Variants in FAT3 observed in about 807,000 individuals in gnomAD.
FAT3 encodes the protein FAT atypical cadherin 3.
Under a neutral mutation model 310.2 loss-of-function variants are expected in FAT3, and 95 were observed. The ratio of observed to expected loss-of-function variants is 0.31; its 90% CI spans 0.26 to 0.36. FAT3 has a LOEUF of 0.36. Ranked by LOEUF, FAT3 falls within the 10% of genes least tolerant of loss-of-function variation. The probability of loss-of-function intolerance (pLI) is 1.00; values close to 1 mark genes in which losing one functional copy is unlikely to be tolerated. For missense variants in FAT3, 5,408 were observed against 5,715.6 expected (o/e 0.95, Z 1.74); for synonymous variants, 2,314 against 2,192.9 (o/e 1.06, Z -1.54).
In FAT3 at chr11:92,883,240, G is replaced by A. The variant is rs1949717083; in HGVS notation, c.12784G>A (p.Glu4262Lys). 6.2e-7 allele frequency: 1 copy of A among 1,613,020 alleles called. No homozygotes were observed. Among genetic ancestry groups the A allele is most frequent in the Non-Finnish European group, 8.5e-7 (1 of 1,179,850 alleles). The change falls in exon 24 of 28, where the codon GAA becomes AAA. Residue 4262 changes from glutamate to lysine, a missense_variant. Transcript: ENST00000525166. The surrounding 1 kb of genome is among the most constrained non-coding windows in gnomAD (Gnocchi z 4.2). The stretch of plus-strand genomic sequence containing the variant: ...GGACGGGCTGGGAGGCGAGCACCAG[G>A]AAATGACCACGTTTCACCCTGAGTC... ...IVDGLGGEHQ[E>K]MTTFHPESPR...
At chr11:92,689,133 C>G (rs1429958541) in intron 3 of FAT3, among the ~76,000 whole-genome samples, 1 of 152,046 alleles carries the variant, frequency 6.6e-6, no homozygotes, top group African/African-American at 2.4e-5. Context: ...AGCTAAGTAA[C>G]CTGCCCAAGG....
At chr11:92,442,111 A>ATTTTTTTTTTTTTTTTTTTTT (rs869097021) in intron 2 of FAT3, among the ~76,000 whole-genome samples, 2 of 45,222 alleles carry the variant, frequency 4.4e-5, no homozygotes, top group African/African-American at 1.8e-4. Context: ...ATATATATAT[A>ATTTTTTTTTTTTTTTTTTTTT]TTTTTTTTTT....
chr11:92,693,645 G>T (rs1354467901), intron 3 of FAT3, among the ~76,000 whole-genome samples: 1 of 152,180 alleles, frequency 6.6e-6, no homozygotes, highest in Non-Finnish European at 1.5e-5. Flanking sequence ...GTAAAAAATG[G>T]CAGTGCTGCT....
At chr11:92,788,715 G>A (rs1184614114) in intron 7 of FAT3, among the ~76,000 whole-genome samples, 1 of 152,080 alleles carries the variant, frequency 6.6e-6, no homozygotes, top group African/African-American at 2.4e-5. Flanking sequence ...TTGAACCTTA[G>A]CAAGCCTTTT....
chr11:92,522,345 A>T (rs1021090818), intron 2 of FAT3, among the ~76,000 whole-genome samples: 1 of 152,116 alleles, frequency 6.6e-6, no homozygotes, highest in African/African-American at 2.4e-5. Flanking sequence ...AGATGTGCTC[A>T]CACCTGTTCA....
chr11:92,649,469 T>G (rs1007771775), intron 3 of FAT3, among the ~76,000 whole-genome samples: 3 of 152,206 alleles, frequency 2.0e-5, no homozygotes, highest in African/African-American at 7.2e-5. Context: ...AAATTGGTTA[T>G]TTTCTTCCTT....
intron 3 of FAT3, among the ~76,000 whole-genome samples, chr11:92,567,679 A>G (rs1955511763): frequency 6.6e-6 from 1 of 152,070 alleles, no homozygotes; most frequent in African/African-American, 2.4e-5. Context: ...AATGTGGCAC[A>G]TATACACCAT....
chr11:92,851,193 A>G (rs1199830151), intron 19 of FAT3, among the ~76,000 whole-genome samples: 2 of 152,220 alleles, frequency 1.3e-5, no homozygotes, highest in Admixed American at 1.3e-4. Flanking sequence ...CTGCGGACTT[A>G]CAAATCATGA....
chr11:92,473,937 G>A (rs1261525848), intron 2 of FAT3, among the ~76,000 whole-genome samples: 1 of 152,168 alleles, frequency 6.6e-6, no homozygotes, highest in Admixed American at 6.5e-5. Context: ...TGTCACTCAA[G>A]GCTCTTTGTC....
intron 13 of FAT3, among the ~76,000 whole-genome samples, chr11:92,825,022 T>C (rs2136242520): frequency 6.6e-6 from 1 of 152,334 alleles, no homozygotes; most frequent in East Asian, 1.9e-4. Context: ...TAGCAGAAGC[T>C]TTGTGTATGT....
At chr11:92,400,211 TA>T (rs1468503213) in intron 2 of FAT3, 1 of 152,198 alleles carries the variant, frequency 6.6e-6, no homozygotes, top group Admixed American at 6.5e-5. Context: ...AGGTATTTAT[TA>T]TTAAATGTCA....
intron 2 of FAT3, among the ~76,000 whole-genome samples, chr11:92,374,181 C>T (rs528077981): frequency 1.9e-4 from 29 of 152,210 alleles, no homozygotes; most frequent in African/African-American, 6.3e-4. Flanking sequence ...CAGTCTCTTC[C>T]GAAACACCCT....
chr11:92,815,117 T>A (rs1198769091), intron 13 of FAT3, among the ~76,000 whole-genome samples: 1 of 152,100 alleles, frequency 6.6e-6, no homozygotes, highest in East Asian at 1.9e-4. Context: ...TGAGCACATT[T>A]GAGAAAAGAA....
In FAT3 at chr11:92,525,736, A is replaced by T. The variant is rs1387852671; in HGVS notation, c.3607+788A>T. On this transcript the variant is annotated intron_variant, in intron 3 of 27. Coordinates refer to ENST00000525166, the MANE Select transcript of FAT3 (RefSeq NM_001367949.2). ...ATTCTTTGAAATTTAGAATAATTTA[A>T]ATTAATTTCACCCTGGGCAAGTGAG... 2.0e-5 allele frequency among the ~76,000 whole-genome samples: 3 copies of T among 152,160 alleles called. No individual in the cohort carries two copies. In the East Asian group the frequency reaches 5.8e-4, roughly 29 times the overall value.
intron 1 of FAT3, among the ~76,000 whole-genome samples, chr11:92,329,105 T>C (rs550653329): frequency 1.3e-5 from 2 of 152,050 alleles, no homozygotes; most frequent in South Asian, 2.1e-4. Context: ...TTTTTTTTTT[T>C]CAATACCATA....
chr11:92,478,931 C>CTTT (rs1952124737), intron 2 of FAT3, among the ~76,000 whole-genome samples: 1 of 72,172 alleles, frequency 1.4e-5, no homozygotes, highest in Admixed American at 1.6e-4. Flanking sequence ...TCTTTCTTTC[C>CTTT]TTCTCTTTCT....
chr11:92,850,050 A>G (rs1056200474), intron 19 of FAT3, among the ~76,000 whole-genome samples: 1 of 152,212 alleles, frequency 6.6e-6, no homozygotes, highest in Admixed American at 6.5e-5. Context: ...AGGTAGTCAG[A>G]CACTTAAAAC....
At position 92,508,785 on chromosome 11, in the gene FAT3, T is replaced by TTG. The variant is rs1270122898; in HGVS notation, c.3293-15846_3293-15845dup. On this transcript the variant is annotated intron_variant, in intron 2 of 27. Coordinates refer to ENST00000525166, the MANE Select transcript of FAT3 (RefSeq NM_001367949.2). ...AATGCTTAGAGACTCCAGATACTCTTTGTGCTAAGTTAGAGAGTCGGTATT... is the reference window on the plus strand; with the variant it reads ...AATGCTTAGAGACTCCAGATACTCTTTGTGTGCTAAGTTAGAGAGTCGGTATT... Among the ~76,000 whole-genome samples the TTG allele has an allele frequency of 2.0e-5, 3 of 152,240 alleles. No individual in the cohort carries two copies. The East Asian group carries it at 5.8e-4, about 29-fold the overall frequency.
chr11:92,683,587 G>A (rs576254454), intron 3 of FAT3, among the ~76,000 whole-genome samples: 97 of 152,146 alleles, frequency 6.4e-4, no homozygotes, highest in Non-Finnish European at 4.9e-4. Context: ...AATTTCACCC[G>A]ATCCTCTAAC....
Sources: allele counts gnomAD v4.1 joint callset (sites outside exome capture counted in the v4.1 genomes callset), GRCh38; gene constraint gnomAD v4.1.1; non-coding constraint Gnocchi (gnomAD v3.1); transcripts MANE v1.5; gene names NCBI Gene and HGNC (gene_info 2026-07-23, HGNC 2026-07-21).